Variants in SPMIP2 observed in about 807,000 individuals in gnomAD.
SPMIP2 encodes sperm microtubule inner protein 2, also known as protein SPMIP2.
the SPMIP2 span, chr4:158,893,826 G>T: frequency 1.4e-6 from 1 of 690,102 alleles, no homozygotes; most frequent in Non-Finnish European, 2.4e-6. Context: ...TTGATATCTT[G>T]GTTATCAAAG....
chr4:159,034,849 C>G, the SPMIP2 span, among the ~76,000 whole-genome samples: 1 of 151,980 alleles, frequency 6.6e-6, no homozygotes, highest in Non-Finnish European at 1.5e-5. Context: ...CGAGATCGCG[C>G]CATTGTACTC....
At chr4:159,075,671 T>C in the SPMIP2 span, among the ~76,000 whole-genome samples, 1 of 152,144 alleles carries the variant, frequency 6.6e-6, no homozygotes, top group East Asian at 1.9e-4. Flanking sequence ...GGATGTGTCA[T>C]AGACCAATAC....
the SPMIP2 span, among the ~76,000 whole-genome samples, chr4:158,951,869 T>C: frequency 2.0e-5 from 3 of 152,208 alleles, no homozygotes; most frequent in South Asian, 2.1e-4. Context: ...TGAGTAGTTT[T>C]CCATACATTC....
the SPMIP2 span, among the ~76,000 whole-genome samples, chr4:159,057,461 T>C: frequency 6.6e-6 from 1 of 152,182 alleles, no homozygotes; most frequent in Non-Finnish European, 1.5e-5. Context: ...CCAAATTTAG[T>C]ACAAATTAAA....
At chr4:159,068,288 C>A in the SPMIP2 span, among the ~76,000 whole-genome samples, 1,201 of 152,222 alleles carry the variant, frequency 7.9e-3, 17 homozygotes, top group African/African-American at 0.027. Context: ...AGACTGGATT[C>A]AGAAAATGTG....
chr4:158,925,592 A>G, the SPMIP2 span, among the ~76,000 whole-genome samples: 1 of 152,196 alleles, frequency 6.6e-6, no homozygotes, highest in African/African-American at 2.4e-5. Context: ...TAAGAAGCAC[A>G]CAACCTAGAT....
the SPMIP2 span, among the ~76,000 whole-genome samples, chr4:159,006,674 G>C: frequency 6.6e-6 from 1 of 152,146 alleles, no homozygotes; most frequent in Admixed American, 6.5e-5. Context: ...GTAATCCCCA[G>C]GATGCATCTT....
the SPMIP2 span, among the ~76,000 whole-genome samples, chr4:159,054,005 G>GT: frequency 2.0e-5 from 3 of 151,846 alleles, no homozygotes; most frequent in Admixed American, 6.6e-5. Context: ...ATGGAATCTT[G>GT]TTTTTTTGCC....
chr4:159,056,342 G>A, the SPMIP2 span, among the ~76,000 whole-genome samples: 2 of 152,012 alleles, frequency 1.3e-5, no homozygotes, highest in Middle Eastern at 6.8e-3. Context: ...TGGAGGGTAG[G>A]GGAAGTTCAC....
At chr4:158,913,214 CTGTTGT>C in the SPMIP2 span, among the ~76,000 whole-genome samples, 5 of 152,136 alleles carry the variant, frequency 3.3e-5, no homozygotes, top group South Asian at 2.1e-4. Context: ...TTTGTTGTTG[CTGTTGT>C]TGTTGTTGTT....
chr4:158,918,156 T>A, the SPMIP2 span, among the ~76,000 whole-genome samples: 2 of 152,192 alleles, frequency 1.3e-5, no homozygotes, highest in African/African-American at 4.8e-5. Flanking sequence ...TTACCCTGCC[T>A]GACACGTAAT....
the SPMIP2 span, among the ~76,000 whole-genome samples, chr4:159,061,687 T>C: frequency 6.6e-6 from 1 of 152,050 alleles, no homozygotes; most frequent in Non-Finnish European, 1.5e-5. Context: ...GGCACATGCC[T>C]GTAGTCCCAG....
At chr4:159,027,947 T>C in the SPMIP2 span, among the ~76,000 whole-genome samples, 4 of 152,234 alleles carry the variant, frequency 2.6e-5, no homozygotes, top group Non-Finnish European at 5.9e-5. Flanking sequence ...ATCACTCCTT[T>C]GTAAGGTAGA....
chr4:158,905,725 G>A, the SPMIP2 span: 1 of 147,026 alleles, frequency 6.8e-6, no homozygotes, highest in East Asian at 2.0e-4. Flanking sequence ...CTAATTTTCT[G>A]TTAATATAAA....
At chr4:158,912,237 G>A in the SPMIP2 span, among the ~76,000 whole-genome samples, 4 of 151,954 alleles carry the variant, frequency 2.6e-5, no homozygotes, top group African/African-American at 4.8e-5. Flanking sequence ...AGCATTTTTG[G>A]GTAAATGTAT....
At chr4:158,898,311 G>A in the SPMIP2 span, among the ~76,000 whole-genome samples, 1 of 152,132 alleles carries the variant, frequency 6.6e-6, no homozygotes, top group African/African-American at 2.4e-5. Context: ...GGATTGCCTT[G>A]GCTATGCAGG....
At chr4:158,991,542 T>G in the SPMIP2 span, among the ~76,000 whole-genome samples, 1 of 152,300 alleles carries the variant, frequency 6.6e-6, no homozygotes, top group African/African-American at 2.4e-5. Context: ...AGAAACAATT[T>G]TAGCAGGTGT....
chr4:159,042,051 A>G, the SPMIP2 span, among the ~76,000 whole-genome samples: 1 of 152,224 alleles, frequency 6.6e-6, no homozygotes, highest in Non-Finnish European at 1.5e-5. Flanking sequence ...TACACGATTG[A>G]AATTCTCCCA....
the SPMIP2 span, among the ~76,000 whole-genome samples, chr4:158,900,779 CTT>C: frequency 6.6e-6 from 1 of 152,126 alleles, no homozygotes; most frequent in African/African-American, 2.4e-5. Flanking sequence ...GGTCTTGACT[CTT>C]TATCCAGTTT....
Sources: allele counts gnomAD v4.1 joint callset (sites outside exome capture counted in the v4.1 genomes callset), GRCh38; gene constraint gnomAD v4.1.1; transcripts MANE v1.5; gene names NCBI Gene and HGNC (gene_info 2026-07-23, HGNC 2026-07-21).